Variants in EYS observed in about 807,000 individuals in gnomAD.
EYS encodes the protein protein eyes shut homolog.
In EYS, 250 loss-of-function variants were observed where a neutral mutation model predicts 282.1. The observed-to-expected ratio is 0.89, with a 90% CI of 0.80 to 0.98. The LOEUF (loss-of-function observed/expected upper bound fraction) is 0.98, where lower values mean the gene tolerates loss of function less well. Among genes scored for constraint, EYS ranks in the 50% least tolerant of loss-of-function variants. The probability of loss-of-function intolerance (pLI) is 0.00; values close to 1 mark genes in which losing one functional copy is unlikely to be tolerated. For missense variants in EYS, 4,016 were observed against 3,709.0 expected (o/e 1.08, Z -2.15); for synonymous variants, 1,355 against 1,282.9 (o/e 1.06, Z -1.20).
intron 26 of EYS, among the ~76,000 whole-genome samples, chr6:64,572,350 C>G (rs1765753254): frequency 5.9e-5 from 9 of 152,146 alleles, no homozygotes; most frequent in Admixed American, 5.9e-4. Context: ...GACGCATTCC[C>G]TTTGAAAACC....
intron 5 of EYS, among the ~76,000 whole-genome samples, chr6:65,460,066 T>C (rs1021836601): frequency 1.5e-5 from 2 of 129,696 alleles, no homozygotes; most frequent in African/African-American, 3.0e-5. Flanking sequence ...TATATATGTA[T>C]ATATGTATAC....
intron 29 of EYS, among the ~76,000 whole-genome samples, chr6:64,326,453 T>G (rs1770426093): frequency 6.6e-6 from 1 of 152,332 alleles, no homozygotes; most frequent in Admixed American, 6.5e-5. Context: ...TTGCTTCCCA[T>G]CTCACATAGT....
At chr6:64,499,002 G>T (rs1378166940) in intron 26 of EYS, among the ~76,000 whole-genome samples, 1 of 152,030 alleles carries the variant, frequency 6.6e-6, no homozygotes, top group African/African-American at 2.4e-5. Flanking sequence ...GGGCGAAATG[G>T]TATTTCTGGT....
rs532010494 is a variant in EYS, at chr6:64,995,388, T to C, written c.2259+2194A>G. The stretch of plus-strand genomic sequence containing the variant: ...TGCTAATTTTAATCTGTAACTTTTA[T>C]AGTAATAAATCCTAGCAAAAAGTAA... On this transcript the variant is annotated intron_variant, in intron 14 of 42. Coordinates refer to ENST00000503581, the MANE Select transcript of EYS (RefSeq NM_001142800.2). Among the ~76,000 whole-genome samples, 7 of 152,300 alleles carry C rather than the reference T, an allele frequency of 4.6e-5. No individual in the cohort carries two copies. The East Asian group carries it at 7.7e-4, about 17-fold the overall frequency.
chr6:65,501,931 G>C (rs1766468803), intron 2 of EYS, among the ~76,000 whole-genome samples: 1 of 151,474 alleles, frequency 6.6e-6, no homozygotes, highest in South Asian at 2.1e-4. Context: ...AAAAAACAGA[G>C]CTGGTTTTAT....
chr6:65,618,833 T>C (rs893438785), intron 2 of EYS, among the ~76,000 whole-genome samples: 9 of 152,200 alleles, frequency 5.9e-5, no homozygotes, highest in Admixed American at 5.9e-4. Flanking sequence ...TGCTTGTTTT[T>C]CTCAGGTTTG....
chr6:65,610,055 C>T (rs1434038398), intron 2 of EYS, among the ~76,000 whole-genome samples: 3 of 151,982 alleles, frequency 2.0e-5, no homozygotes, highest in East Asian at 1.9e-4. Context: ...CATGCCACCA[C>T]GCCTGGCTAG....
At chr6:65,264,579 AGTT>A (rs1767703137) in intron 12 of EYS, among the ~76,000 whole-genome samples, 1 of 152,050 alleles carries the variant, frequency 6.6e-6, no homozygotes, top group African/African-American at 2.4e-5. Flanking sequence ...AAGACTGTTT[AGTT>A]GTTGTTAGTG....
intron 41 of EYS, among the ~76,000 whole-genome samples, chr6:63,749,615 C>A (rs999657787): frequency 6.6e-6 from 1 of 152,132 alleles, no homozygotes; most frequent in African/African-American, 2.4e-5. Flanking sequence ...GGCTGATATC[C>A]TTCCCCATCA....
At chr6:63,935,348 G>C (rs1765025386) in intron 35 of EYS, among the ~76,000 whole-genome samples, 1 of 152,196 alleles carries the variant, frequency 6.6e-6, no homozygotes, top group Admixed American at 6.5e-5. Context: ...TGCCCTCTTA[G>C]ACAGCACTTA....
intron 16 of EYS, among the ~76,000 whole-genome samples, chr6:64,911,472 A>T (rs1767988048): frequency 6.6e-6 from 1 of 152,156 alleles, no homozygotes; most frequent in South Asian, 2.1e-4. Flanking sequence ...GGAAGTTTTA[A>T]TGCAAAACAA....
chr6:63,886,598 G>T (rs1195408215), intron 35 of EYS, among the ~76,000 whole-genome samples: 1 of 152,172 alleles, frequency 6.6e-6, no homozygotes, highest in South Asian at 2.1e-4. Flanking sequence ...AGATGATGAG[G>T]TGCTAAAGAA....
chr6:65,241,331 A>T lies in EYS; in HGVS notation c.2023+54532T>A, dbSNP rs376457073. 5.0e-4 allele frequency among the ~76,000 whole-genome samples: 76 copies of T among 152,216 alleles called. No individual in the cohort carries two copies. The East Asian group carries it at 8.3e-3, about 17-fold the overall frequency. ...CTGTTACATATAATGATTGAGTTAC[A>T]GTTACACGCATAGCAACATTTTCCA... On this transcript the variant is annotated intron_variant, in intron 12 of 42. Transcript: ENST00000503581.
intron 12 of EYS, among the ~76,000 whole-genome samples, chr6:65,272,926 A>G (rs1767943977): frequency 6.6e-6 from 1 of 152,168 alleles, no homozygotes; most frequent in African/African-American, 2.4e-5. Context: ...GTGTGCGATC[A>G]AGTTTAATTT....
intron 12 of EYS, among the ~76,000 whole-genome samples, chr6:65,072,846 G>C (rs115325196): frequency 1.3e-5 from 2 of 151,254 alleles, no homozygotes; most frequent in African/African-American, 2.4e-5. Context: ...TTAAGAAAGA[G>C]ATAAAAATGA....
In EYS at chr6:65,530,053, GTTA is replaced by G. The variant is rs753473542; in HGVS notation, c.-332-34063_-332-34061del. On this transcript the variant is annotated intron_variant, in intron 2 of 42. Coordinates refer to ENST00000503581, the MANE Select transcript of EYS (RefSeq NM_001142800.2). ...TGCCTGCCTGTCTCATATTTTTATT[GTTA>G]TTGTTTTTGTCTCAGCCTTGGGATT... Among the ~76,000 whole-genome samples, 198 of 152,098 alleles carry G rather than the reference GTTA, an allele frequency of 1.3e-3. 2 individuals carry two copies. Among genetic ancestry groups the G allele is most frequent in the Non-Finnish European group, 2.3e-3 (153 of 67,962 alleles).
chr6:64,098,533 G>C (rs998354869), intron 31 of EYS, among the ~76,000 whole-genome samples: 9 of 151,976 alleles, frequency 5.9e-5, no homozygotes, highest in African/African-American at 2.2e-4. Flanking sequence ...ACTCAGGGTA[G>C]TGTTTATTCC....
chr6:64,707,396 A>C (rs75760767), intron 22 of EYS, among the ~76,000 whole-genome samples: 5 of 151,668 alleles, frequency 3.3e-5, no homozygotes, highest in African/African-American at 4.8e-5. Context: ...GGGGCCAGGC[A>C]TGGTGGCTCA....
chr6:65,537,518 G>GCA (rs3049757), intron 2 of EYS, among the ~76,000 whole-genome samples: 106,859 of 151,034 alleles, frequency 0.71, 38,040 homozygotes, highest in East Asian at 0.85. Context: ...TATATAACAT[G>GCA]CACACACACA....
Sources: allele counts gnomAD v4.1 joint callset (sites outside exome capture counted in the v4.1 genomes callset), GRCh38; gene constraint gnomAD v4.1.1; transcripts MANE v1.5; gene names NCBI Gene and HGNC (gene_info 2026-07-23, HGNC 2026-07-21).